Variants in HFM1 observed in about 807,000 individuals in gnomAD.
HFM1 encodes helicase for meiosis 1.
In HFM1, 169 loss-of-function variants were observed where a neutral mutation model predicts 192.1. That is an observed-to-expected ratio of 0.88 (90% CI 0.78 to 1.00). HFM1 has a LOEUF of 1.00. Ranked by LOEUF, HFM1 falls within the 50% of genes least tolerant of loss-of-function variation. The pLI, the probability that HFM1 is intolerant of heterozygous loss-of-function variation, is 0.00. For synonymous variants in HFM1, 525 were observed against 537.8 expected (o/e 0.98, Z 0.33); for missense variants, 1,661 against 1,668.0 (o/e 1.00, Z 0.07).
chr1:91,396,148 C>T (rs1482271533), intron 3 of HFM1, 145 bp downstream of exon 3: 6 of 453,170 alleles, frequency 1.3e-5, no homozygotes, highest in Non-Finnish European at 2.4e-5. Context: ...AATCAATACC[C>T]AATATGAGTA....
chr1:91,380,751 C>A (rs1457751883), intron 7 of HFM1, among the ~76,000 whole-genome samples, 161 bp downstream of exon 7: 2 of 152,056 alleles, frequency 1.3e-5, no homozygotes, highest in Non-Finnish European at 2.9e-5. Flanking sequence ...CTATGAAAAT[C>A]ACATGTATTC....
At chr1:91,270,160 G>C (rs946807337) in intron 34 of HFM1, among the ~76,000 whole-genome samples, 1 of 152,152 alleles carries the variant, frequency 6.6e-6, no homozygotes, top group African/African-American at 2.4e-5. Flanking sequence ...GTAAACAAGA[G>C]AGAATGAATG....
At chr1:91,320,073 T>C (rs1190630953) in intron 23 of HFM1, among the ~76,000 whole-genome samples, 1 of 152,196 alleles carries the variant, frequency 6.6e-6, no homozygotes, top group Non-Finnish European at 1.5e-5. Flanking sequence ...TAATCAGGCA[T>C]TGATATGCAA....
chr1:91,293,222 G>C (rs927599123), intron 30 of HFM1, among the ~76,000 whole-genome samples: 1 of 151,762 alleles, frequency 6.6e-6, no homozygotes, highest in Non-Finnish European at 1.5e-5. Context: ...TTAAACTAAA[G>C]AGCTTCTGCA....
chr1:91,378,761 A>T (rs905150899), intron 9 of HFM1, among the ~76,000 whole-genome samples: 8 of 151,920 alleles, frequency 5.3e-5, no homozygotes, highest in Admixed American at 5.3e-4. Flanking sequence ...TCTACCAAGG[A>T]CCTCCCTCTA....
intron 23 of HFM1, 106 bp from the exon 24 acceptor site, chr1:91,319,496 A>G: frequency 1.5e-6 from 1 of 671,652 alleles, no homozygotes; most frequent in South Asian, 1.8e-5. Context: ...TCTCTGCCTT[A>G]ATTTCTGCAA....
At chr1:91,340,696 T>C (rs1166322212) in intron 20 of HFM1, among the ~76,000 whole-genome samples, 2 of 152,036 alleles carry the variant, frequency 1.3e-5, no homozygotes, top group Admixed American at 6.5e-5. Flanking sequence ...TATGTTGTCT[T>C]CAAGAGACCC....
intron 13 of HFM1, among the ~76,000 whole-genome samples, chr1:91,368,218 CA>C (rs1161706876): frequency 5.3e-5 from 8 of 152,170 alleles, no homozygotes; most frequent in Non-Finnish European, 8.8e-5. Flanking sequence ...CAAGGCAGGC[CA>C]ACATTCAAAT....
intron 13 of HFM1, among the ~76,000 whole-genome samples, chr1:91,363,435 C>T (rs529650863): frequency 6.6e-6 from 1 of 151,414 alleles, no homozygotes; most frequent in East Asian, 1.9e-4. Flanking sequence ...TGAAAAAAAG[C>T]TCAACATCAC....
chr1:91,403,462 T>C (rs1664517832), intron 1 of HFM1, among the ~76,000 whole-genome samples: 1 of 152,190 alleles, frequency 6.6e-6, no homozygotes, highest in Non-Finnish European at 1.5e-5. Flanking sequence ...ACTTTCATTA[T>C]GTAAATCTTT....
intron 20 of HFM1, among the ~76,000 whole-genome samples, chr1:91,341,080 G>C (rs1655261865): frequency 6.6e-6 from 1 of 152,048 alleles, no homozygotes; most frequent in Admixed American, 6.6e-5. Context: ...CTTGACACTT[G>C]ACCAAATGGA....
intron 13 of HFM1, among the ~76,000 whole-genome samples, chr1:91,354,593 A>T (rs1309377438): frequency 6.6e-6 from 1 of 152,096 alleles, no homozygotes; most frequent in Admixed American, 6.6e-5. Flanking sequence ...AAAAGTAGCA[A>T]GAGAAAAGTG....
At chr1:91,305,281 T>C (rs1007576508) in intron 30 of HFM1, among the ~76,000 whole-genome samples, 1 of 152,258 alleles carries the variant, frequency 6.6e-6, no homozygotes, top group Non-Finnish European at 1.5e-5. Flanking sequence ...CTTAACAATA[T>C]TGACTTTCAA....
chr1:91,345,261 T>C (rs1201704509), intron 19 of HFM1, among the ~76,000 whole-genome samples: 1 of 152,184 alleles, frequency 6.6e-6, no homozygotes, highest in Non-Finnish European at 1.5e-5. Context: ...GTGTAAAATA[T>C]GCAAGGAGTG....
At chr1:91,289,540 A>T (rs1668464609) in intron 30 of HFM1, among the ~76,000 whole-genome samples, 1 of 152,298 alleles carries the variant, frequency 6.6e-6, no homozygotes, top group African/African-American at 2.4e-5. Flanking sequence ...TAGCGAGCCA[A>T]GAACACGCCA....
chr1:91,370,521 C>T (rs1571145422), intron 13 of HFM1, among the ~76,000 whole-genome samples: 1 of 152,088 alleles, frequency 6.6e-6, no homozygotes, highest in Non-Finnish European at 1.5e-5. Context: ...GCAGAAAAGG[C>T]CTTTGACAAA....
intron 13 of HFM1, among the ~76,000 whole-genome samples, chr1:91,356,317 C>G (rs1449730173): frequency 1.3e-5 from 2 of 151,166 alleles, no homozygotes; most frequent in African/African-American, 4.9e-5. Context: ...GATCTCGGCT[C>G]ACTGCAACCT....
chr1:91,310,306 G>T (rs548242060), intron 30 of HFM1, among the ~76,000 whole-genome samples: 1 of 152,060 alleles, frequency 6.6e-6, no homozygotes, highest in Non-Finnish European at 1.5e-5. Context: ...AACTAGAGAG[G>T]TATAGATGAA....
Position 91,316,415 on chromosome 1 carries a change from CTCT to C in HFM1, c.2871_2873del (p.Glu958del). ...CCAATTCAAGTTCCCTTGCATCTGT[CTCT>C]TCTATTTTTTTAAAGGAAGTCAAAC... On this transcript the variant is annotated inframe_deletion, in exon 26 of 39. Transcript: ENST00000370425. The C allele has an allele frequency of 1.3e-6, 2 of 1,575,482 alleles. No individual in the cohort carries two copies. Among genetic ancestry groups the C allele is most frequent in the Non-Finnish European group, 1.7e-6 (2 of 1,154,858 alleles).
Sources: allele counts gnomAD v4.1 joint callset (sites outside exome capture counted in the v4.1 genomes callset), GRCh38; gene constraint gnomAD v4.1.1; transcripts MANE v1.5; gene names NCBI Gene and HGNC (gene_info 2026-07-23, HGNC 2026-07-21).